Variants in CPNE4 observed in about 807,000 individuals in gnomAD.
CPNE4 encodes the protein copine-4.
A neutral mutation model predicts 67.9 loss-of-function variants in CPNE4; 25 were observed. That is an observed-to-expected ratio of 0.37 (90% confidence interval 0.27 to 0.51). The LOEUF (loss-of-function observed/expected upper bound fraction) is 0.51. Ranked by LOEUF, CPNE4 falls within the 20% of genes least tolerant of loss-of-function variation. The pLI, the probability that CPNE4 is intolerant of heterozygous loss-of-function variation, is 0.93. For synonymous variants in CPNE4, 242 were observed against 244.9 expected, an observed-to-expected ratio of 0.99 and a Z score of 0.11; for missense variants, 464 against 690.8, an observed-to-expected ratio of 0.67 and a Z score of 3.68.
intron 1 of CPNE4, among the ~76,000 whole-genome samples, chr3:131,945,398 G>C (rs1314201186): frequency 6.6e-6 from 1 of 152,158 alleles, no homozygotes; most frequent in South Asian, 2.1e-4. Flanking sequence ...TATACCTTCT[G>C]ATCCATACCA....
At chr3:131,626,067 G>A (rs1198546562) in intron 7 of CPNE4, among the ~76,000 whole-genome samples, 1 of 152,062 alleles carries the variant, frequency 6.6e-6, no homozygotes, top group Non-Finnish European at 1.5e-5. Flanking sequence ...TTAATGTGTG[G>A]GTTCTGACTT....
chr3:132,030,282 TTTG>T, intron 1 of CPNE4, among the ~76,000 whole-genome samples: 1 of 152,336 alleles, frequency 6.6e-6, no homozygotes, highest in African/African-American at 2.4e-5. Context: ...AAGTCACTTA[TTTG>T]AGCTTTAGTT....
chr3:131,747,450 T>C (rs2082519292), intron 2 of CPNE4, among the ~76,000 whole-genome samples: 1 of 142,540 alleles, frequency 7.0e-6, no homozygotes, highest in African/African-American at 2.4e-5. Context: ...TTGATTTTTG[T>C]ATATGATAAG....
intron 2 of CPNE4, among the ~76,000 whole-genome samples, chr3:131,842,135 C>T (rs2085810295): frequency 6.6e-6 from 1 of 152,162 alleles, no homozygotes; most frequent in Non-Finnish European, 1.5e-5. Flanking sequence ...GGCAGAATGG[C>T]ATCGTGAAGG....
intron 6 of CPNE4, among the ~76,000 whole-genome samples, chr3:131,674,175 T>C (rs943706384): frequency 6.6e-6 from 1 of 152,084 alleles, no homozygotes; most frequent in Non-Finnish European, 1.5e-5. Flanking sequence ...CTCTTGGTCA[T>C]GGTGCATGAT....
intron 7 of CPNE4, among the ~76,000 whole-genome samples, chr3:131,657,947 G>A (rs2080021462): frequency 6.6e-6 from 1 of 151,982 alleles, no homozygotes; most frequent in African/African-American, 2.4e-5. Flanking sequence ...CACAACTGCT[G>A]ACCAGAGTAA....
chr3:131,704,545 C>T lies in CPNE4; in HGVS notation c.361-4565G>A, dbSNP rs546240290. On this transcript the variant is annotated intron_variant, in intron 3 of 15. Coordinates refer to ENST00000429747, the MANE Select transcript of CPNE4 (RefSeq NM_130808.3). ...CTGTTTTCTCTTTGCTATCTCACTT[C>T]TCTTTTTTCTCTCCTGCTGTTTCCT... 2.5e-4 allele frequency among the ~76,000 whole-genome samples: 38 copies of T among 152,292 alleles called. 1 individual carries two copies. Among genetic ancestry groups the T allele is most frequent in the Admixed American group, 2.2e-3 (33 of 15,280 alleles).
chr3:131,621,734 C>T (rs184269706), intron 7 of CPNE4, among the ~76,000 whole-genome samples: 12 of 152,074 alleles, frequency 7.9e-5, no homozygotes, highest in South Asian at 2.1e-4. Context: ...AGGCCAGGCA[C>T]GGTGGCTCAC....
intron 7 of CPNE4, among the ~76,000 whole-genome samples, chr3:131,652,376 T>C (rs1010908329): frequency 6.6e-6 from 1 of 152,222 alleles, no homozygotes; most frequent in African/African-American, 2.4e-5. Flanking sequence ...TGATCTGTAG[T>C]CTATTTCTTA....
At chr3:131,735,204 C>A (rs919554739) in intron 2 of CPNE4, among the ~76,000 whole-genome samples, 3 of 152,168 alleles carry the variant, frequency 2.0e-5, no homozygotes, top group Admixed American at 2.0e-4. Context: ...CCCTATGGAA[C>A]TAGGCCATGC....
intron 7 of CPNE4, among the ~76,000 whole-genome samples, chr3:131,655,661 G>C (rs1020429332): frequency 6.6e-6 from 1 of 152,136 alleles, no homozygotes; most frequent in Non-Finnish European, 1.5e-5. Flanking sequence ...GGGGGGCAGG[G>C]GGGTGGAGAC....
chr3:131,676,029 CTAT>C (rs34007329), intron 6 of CPNE4, among the ~76,000 whole-genome samples: 8,997 of 138,404 alleles, frequency 0.065, 309 homozygotes, highest in East Asian at 0.097. Context: ...ATGTTATAAC[CTAT>C]TATTATTATT....
Position 131,825,099 on chromosome 3 carries a change from T to C in CPNE4, c.180+80165A>G, listed in dbSNP as rs147184948. On this transcript the variant is annotated intron_variant, in intron 2 of 15. Coordinates refer to ENST00000429747, the MANE Select transcript of CPNE4 (RefSeq NM_130808.3). ...GATTCCTTAGCAGCTTTTGGTGTCA[T>C]AGTAATAAATTTTCCAAATGAAAGT... Among the ~76,000 whole-genome samples the C allele has an allele frequency of 8.9e-3, 1,355 of 152,236 alleles. 18 individuals are homozygous for C. The highest frequency in any genetic ancestry group is 0.03 in the African/African-American group (1,251 of 41,538).
intron 1 of CPNE4, among the ~76,000 whole-genome samples, chr3:131,979,594 C>T (rs1200862989): frequency 1.3e-5 from 2 of 152,092 alleles, no homozygotes; most frequent in Non-Finnish European, 2.9e-5. Flanking sequence ...GGTGAGTCTC[C>T]TGAAGGCAGC....
At chr3:131,830,718 G>A (rs2085336422) in intron 2 of CPNE4, among the ~76,000 whole-genome samples, 1 of 151,698 alleles carries the variant, frequency 6.6e-6, no homozygotes, top group Non-Finnish European at 1.5e-5. Flanking sequence ...ATTATTTATT[G>A]TTTCTCTTTT....
intron 12 of CPNE4, among the ~76,000 whole-genome samples, chr3:131,555,260 A>G (rs1303192291): frequency 6.6e-6 from 1 of 152,044 alleles, no homozygotes. Context: ...AAACTAAACA[A>G]TGAAACTCTT....
intron 14 of CPNE4, among the ~76,000 whole-genome samples, chr3:131,549,079 G>A (rs1419725728): frequency 6.6e-6 from 1 of 152,098 alleles, no homozygotes; most frequent in East Asian, 1.9e-4. Context: ...GAATATAACT[G>A]CAGAGTCAAA....
intron 2 of CPNE4, among the ~76,000 whole-genome samples, chr3:131,808,540 A>G (rs73222332): frequency 0.019 from 2,905 of 152,264 alleles, 37 homozygotes; most frequent in Non-Finnish European, 0.03. Context: ...GATGGGAGAT[A>G]ATTATTTTTT....
At position 131,572,524 on chromosome 3, in the gene CPNE4, C is replaced by T. The variant is rs182493939; in HGVS notation, c.927+2547G>A. Among the ~76,000 whole-genome samples the T allele has an allele frequency of 8.4e-4, 128 of 152,078 alleles. 1 individual carries two copies. The highest frequency in any genetic ancestry group is 1.3e-3 in the Non-Finnish European group (87 of 67,980). On this transcript the variant is annotated intron_variant, in intron 10 of 15. Coordinates refer to ENST00000429747, the MANE Select transcript of CPNE4 (RefSeq NM_130808.3). ...CTGCCTCTCGTTGGTCAAATCCAAC[C>T]AAAAGCTAAGAGCTGGAGAGCTTGG...
Sources: gnomAD v4.1 joint callset for allele counts (sites outside exome capture counted in the v4.1 genomes callset) on GRCh38, gnomAD v4.1.1 for gene constraint, MANE v1.5 for transcripts, NCBI Gene and HGNC (gene_info 2026-07-23, HGNC 2026-07-21) for gene names.